Variants in PTPRD observed in about 807,000 individuals in gnomAD.
PTPRD encodes protein tyrosine phosphatase receptor type D, also known as receptor-type tyrosine-protein phosphatase delta.
A neutral mutation model predicts 214.5 loss-of-function variants in PTPRD; 34 were observed. That is an observed-to-expected ratio of 0.16 (90% CI 0.12 to 0.21). PTPRD has a LOEUF of 0.21. Ranked by LOEUF, PTPRD falls within the 10% of genes least tolerant of loss-of-function variation. The pLI is 1.00. For missense variants in PTPRD, 2,545 were observed against 2,398.7 expected (o/e 1.06, Z -1.27); for synonymous variants, 1,128 against 845.7 (o/e 1.33, Z -5.79).
At chr9:8,350,114 G>A (rs1190805178) in intron 39 of PTPRD, among the ~76,000 whole-genome samples, 1 of 151,946 alleles carries the variant, frequency 6.6e-6, no homozygotes, top group Non-Finnish European at 1.5e-5. Context: ...TTAGTCCCAC[G>A]AGTTGAAACG....
chr9:8,815,606 G>C (rs2096904177), intron 11 of PTPRD, among the ~76,000 whole-genome samples: 2 of 152,136 alleles, frequency 1.3e-5, no homozygotes, highest in African/African-American at 2.4e-5. Flanking sequence ...GGGGTCAAAA[G>C]TTAGAAAGTG....
intron 35 of PTPRD, among the ~76,000 whole-genome samples, chr9:8,414,084 AG>A (rs2093718529): frequency 6.6e-6 from 1 of 152,198 alleles, no homozygotes; most frequent in Non-Finnish European, 1.5e-5. Context: ...CATTACAGGT[AG>A]GATACACAGC....
intron 8 of PTPRD, among the ~76,000 whole-genome samples, chr9:9,546,160 T>C (rs765546004): frequency 9.9e-5 from 15 of 151,830 alleles, no homozygotes; most frequent in Non-Finnish European, 2.2e-4. Context: ...TTTTGTTTTG[T>C]TTTGAGTTTT....
chr9:8,501,064 T>A lies in PTPRD; in HGVS notation c.1823-5A>T, dbSNP rs768695804. On this transcript the variant is annotated splice_polypyrimidine_tract_variant and splice_region_variant and intron_variant, in intron 23 of 45. Coordinates refer to ENST00000381196, the MANE Select transcript of PTPRD (RefSeq NM_002839.4). ...CTTGAGGAGGAGCTGACGGCTCTTA[T>A]TTTGGTAGTGAGTTAAAGGAGGATT... 1.2e-6 allele frequency: 2 copies of A among 1,609,244 alleles called. No individual in the cohort carries two copies. Among genetic ancestry groups the A allele is most frequent in the Non-Finnish European group, 1.7e-6 (2 of 1,176,452 alleles).
chr9:10,105,945 G>GATCACCAA (rs1421819469), intron 3 of PTPRD, among the ~76,000 whole-genome samples: 2 of 131,280 alleles, frequency 1.5e-5, no homozygotes, highest in Non-Finnish European at 3.1e-5. Flanking sequence ...CAAGTCATAT[G>GATCACCAA]ATCACCAAGG....
chr9:9,743,539 C>T (rs1284929888), intron 6 of PTPRD, among the ~76,000 whole-genome samples: 3 of 151,976 alleles, frequency 2.0e-5, no homozygotes, highest in East Asian at 3.9e-4. Context: ...ATCTGACCTC[C>T]CTAAGGGCCC....
intron 12 of PTPRD, among the ~76,000 whole-genome samples, chr9:8,675,338 C>T (rs1008508740): frequency 6.6e-6 from 1 of 151,890 alleles, no homozygotes; most frequent in Non-Finnish European, 1.5e-5. Context: ...ATCACATATC[C>T]TGCAGAGTGA....
chr9:9,314,120 T>C (rs1397619190), intron 9 of PTPRD, among the ~76,000 whole-genome samples: 1 of 152,090 alleles, frequency 6.6e-6, no homozygotes, highest in Non-Finnish European at 1.5e-5. Flanking sequence ...TGTTTGAAGG[T>C]GGTGGAGATA....
At chr9:8,903,235 G>A (rs1040187359) in intron 11 of PTPRD, among the ~76,000 whole-genome samples, 1 of 151,808 alleles carries the variant, frequency 6.6e-6, no homozygotes, top group Non-Finnish European at 1.5e-5. Flanking sequence ...CCGAGGCTTG[G>A]GATATGAATC....
intron 2 of PTPRD, among the ~76,000 whole-genome samples, chr9:10,449,719 G>GC (rs2098826688): frequency 6.8e-6 from 1 of 146,056 alleles, no homozygotes; most frequent in African/African-American, 2.7e-5. Flanking sequence ...CCTCTGCCCG[G>GC]CAGCCACCCC....
intron 8 of PTPRD, among the ~76,000 whole-genome samples, chr9:9,400,198 C>T (rs1274042749): frequency 1.3e-5 from 2 of 149,778 alleles, no homozygotes; most frequent in African/African-American, 4.9e-5. Flanking sequence ...ATGTTACCTT[C>T]CGTGCCAGAG....
At chr9:10,566,609 G>A (rs995961212) in intron 2 of PTPRD, among the ~76,000 whole-genome samples, 2 of 151,884 alleles carry the variant, frequency 1.3e-5, no homozygotes, top group Non-Finnish European at 2.9e-5. Context: ...TACACATATT[G>A]GAAATATGTT....
chr9:10,263,790 G>A (rs1008410725), intron 3 of PTPRD, among the ~76,000 whole-genome samples: 9 of 152,124 alleles, frequency 5.9e-5, no homozygotes, highest in Middle Eastern at 3.2e-3. Context: ...TGGTGAAAAC[G>A]TCCCTAGGGC....
At chr9:9,052,465 A>T (rs922352763) in intron 10 of PTPRD, among the ~76,000 whole-genome samples, 1 of 152,208 alleles carries the variant, frequency 6.6e-6, no homozygotes, top group African/African-American at 2.4e-5. Flanking sequence ...TTCCTTTAAC[A>T]TTAGTTCCTT....
chr9:10,062,040 A>G (rs2097785807), intron 3 of PTPRD, among the ~76,000 whole-genome samples: 1 of 148,690 alleles, frequency 6.7e-6, no homozygotes, highest in Non-Finnish European at 1.5e-5. Context: ...TGATTGATTG[A>G]TACTGTTAAA....
chr9:9,994,159 C>G (rs1378882742), intron 4 of PTPRD, among the ~76,000 whole-genome samples: 7 of 152,138 alleles, frequency 4.6e-5, no homozygotes, highest in Non-Finnish European at 8.8e-5. Flanking sequence ...AAGTCTTTGT[C>G]CATAACCACG....
chr9:9,242,757 T>C (rs911329686), intron 9 of PTPRD, among the ~76,000 whole-genome samples: 7 of 152,210 alleles, frequency 4.6e-5, no homozygotes, highest in African/African-American at 1.7e-4. Flanking sequence ...CTTTTTTCAA[T>C]GTTTTTAACT....
At chr9:9,277,028 C>T (rs940722680) in intron 9 of PTPRD, among the ~76,000 whole-genome samples, 1 of 151,240 alleles carries the variant, frequency 6.6e-6, no homozygotes, top group East Asian at 2.0e-4. Flanking sequence ...CCTGCTTTCG[C>T]CACTACTGTA....
Position 9,681,593 on chromosome 9 carries a change from A to G in PTPRD, c.-287+52940T>C, listed in dbSNP as rs537573466. ...CCATGTGACCTTTTCTCACTTTGAT[A>G]TCTCTTTTAATCAGGCCATCTTAAA... On this transcript the variant is annotated intron_variant, in intron 7 of 45. Transcript: ENST00000381196. Among the ~76,000 whole-genome samples the G allele has an allele frequency of 2.6e-3, 393 of 151,812 alleles. 2 individuals carry two copies. The highest frequency in any genetic ancestry group is 8.8e-3 in the African/African-American group (367 of 41,478).
Sources: allele counts gnomAD v4.1 joint callset (sites outside exome capture counted in the v4.1 genomes callset), GRCh38; gene constraint gnomAD v4.1.1; transcripts MANE v1.5; gene names NCBI Gene and HGNC (gene_info 2026-07-23, HGNC 2026-07-21).